Variants in DLG2 observed in about 807,000 individuals in gnomAD.
DLG2 encodes discs large MAGUK scaffold protein 2, also known as disks large homolog 2.
In DLG2, 45 loss-of-function variants were observed where a neutral mutation model predicts 132.5. The ratio of observed to expected loss-of-function variants is 0.34; its 90% CI spans 0.27 to 0.44. The LOEUF (loss-of-function observed/expected upper bound fraction) is 0.44. DLG2 is among the 20% of genes least tolerant of loss of function. DLG2 has a pLI of 1.00. For synonymous variants in DLG2, 424 were observed against 419.6 expected (o/e 1.01, Z -0.13); for missense variants, 1,045 against 1,196.9 (o/e 0.87, Z 1.87).
rs1283000917 is a variant in DLG2 at position 85,460,485 on chromosome 11, T to A, written c.40+138172A>T. Among the ~76,000 whole-genome samples, 3 of 152,202 alleles carry A rather than the reference T, an allele frequency of 2.0e-5. No homozygotes were observed. In the East Asian group the frequency reaches 5.8e-4, roughly 29 times the overall value. ...AGTGTGGGAGCCTACTCTGGCTCCA[T>A]GCCACTCCTGGGTGGGCAGTTGTCC... On this transcript the variant is annotated intron_variant, in intron 3 of 27. Transcript: ENST00000376104.
chr11:83,969,674 A>G (rs907068832), intron 12 of DLG2, among the ~76,000 whole-genome samples: 1 of 152,114 alleles, frequency 6.6e-6, no homozygotes, highest in African/African-American at 2.4e-5. Flanking sequence ...CCCGGGTTCA[A>G]GCAATTCTCC....
intron 6 of DLG2, among the ~76,000 whole-genome samples, chr11:85,074,137 A>C (rs566973541): frequency 6.6e-6 from 1 of 151,942 alleles, no homozygotes; most frequent in South Asian, 2.1e-4. Context: ...ACTACCTATC[A>C]GGTGCTATGC....
intron 8 of DLG2, among the ~76,000 whole-genome samples, chr11:84,231,406 C>T (rs2097091785): frequency 6.6e-6 from 1 of 152,160 alleles, no homozygotes; most frequent in Non-Finnish European, 1.5e-5. Flanking sequence ...TTGTATGCCA[C>T]TGATCCTAAT....
chr11:84,712,951 C>G (rs2060615010), intron 6 of DLG2, among the ~76,000 whole-genome samples: 5 of 152,164 alleles, frequency 3.3e-5, no homozygotes, highest in Admixed American at 1.3e-4. Context: ...TTGAGTAAGT[C>G]ATATTCTATC....
At chr11:84,394,189 C>T (rs2098803052) in intron 7 of DLG2, among the ~76,000 whole-genome samples, 1 of 152,064 alleles carries the variant, frequency 6.6e-6, no homozygotes, top group African/African-American at 2.4e-5. Flanking sequence ...AATTTTTTAA[C>T]CACACAAAGC....
chr11:85,593,356 GAAAGGATTAGT>G (rs928172149), intron 3 of DLG2, among the ~76,000 whole-genome samples: 18 of 152,136 alleles, frequency 1.2e-4, no homozygotes, highest in Non-Finnish European at 2.2e-4. Flanking sequence ...AGAATCACCT[GAAAGGATTAGT>G]AAAGTACCAT....
chr11:85,460,730 T>C (rs544547490), intron 3 of DLG2, among the ~76,000 whole-genome samples: 132 of 152,358 alleles, frequency 8.7e-4, no homozygotes, highest in African/African-American at 3.0e-3. Flanking sequence ...TAGTCCAATT[T>C]CTTCACAGTT....
intron 7 of DLG2, among the ~76,000 whole-genome samples, chr11:84,527,412 T>C (rs1304352267): frequency 6.6e-6 from 1 of 152,152 alleles, no homozygotes; most frequent in Non-Finnish European, 1.5e-5. Flanking sequence ...ATGCTTCAGC[T>C]CTCCTCCTAT....
intron 3 of DLG2, among the ~76,000 whole-genome samples, chr11:85,388,442 C>T (rs1029509799): frequency 3.9e-5 from 6 of 152,144 alleles, no homozygotes; most frequent in Admixed American, 1.3e-4. Flanking sequence ...AACCTGAATA[C>T]TTATCCAAAG....
intron 18 of DLG2, among the ~76,000 whole-genome samples, chr11:83,761,787 T>C (rs930152700): frequency 6.6e-6 from 1 of 152,186 alleles, no homozygotes; most frequent in African/African-American, 2.4e-5. Flanking sequence ...AGCTGTATCA[T>C]TCATCCTCAT....
At chr11:85,325,397 G>T (rs2081390505) in intron 3 of DLG2, among the ~76,000 whole-genome samples, 1 of 148,428 alleles carries the variant, frequency 6.7e-6, no homozygotes, top group African/African-American at 2.5e-5. Flanking sequence ...AGAGAGCAGT[G>T]GTTCTCCCAG....
chr11:85,050,965 C>T (rs1322847145), intron 6 of DLG2, among the ~76,000 whole-genome samples: 1 of 152,092 alleles, frequency 6.6e-6, no homozygotes, highest in African/African-American at 2.4e-5. Context: ...AGCCTCAAGC[C>T]ACTAGTGGCA....
chr11:84,397,496 G>A (rs79592727), intron 7 of DLG2, among the ~76,000 whole-genome samples: 8,306 of 152,170 alleles, frequency 0.055, 308 homozygotes, highest in African/African-American at 0.095. Flanking sequence ...GAGATGACGC[G>A]GGCCATGTCC....
chr11:85,151,135 T>C lies in DLG2; in HGVS notation c.282+3421A>G, dbSNP rs1370276345. On this transcript the variant is annotated intron_variant, in intron 5 of 27. Transcript: ENST00000376104. ...TCATGATTAGTGGGTTGAACATTTT[T>C]CATAGATGTATTGGCCATTTGTATA... 2.0e-5 allele frequency among the ~76,000 whole-genome samples: 3 copies of C among 152,350 alleles called. 1 individual carries two copies. Among genetic ancestry groups the C allele is most frequent in the South Asian group, 2.1e-4 (1 of 4,830 alleles).
At chr11:84,784,135 T>A (rs1168082462) in intron 6 of DLG2, among the ~76,000 whole-genome samples, 1 of 16,600 alleles carries the variant, frequency 6.0e-5, no homozygotes, top group Non-Finnish European at 1.2e-4. Flanking sequence ...CCATCTCTAC[T>A]AAAAATGCAA....
At chr11:84,840,002 A>T (rs1005301155) in intron 6 of DLG2, among the ~76,000 whole-genome samples, 3 of 152,206 alleles carry the variant, frequency 2.0e-5, no homozygotes, top group Non-Finnish European at 4.4e-5. Flanking sequence ...GATCCAATTA[A>T]ACTAGAGAGC....
In DLG2 at chr11:83,484,150, G is replaced by A. The variant is rs745960472; in HGVS notation, c.2272C>T (p.Gln758Ter). ...TTACGTTCAGGATCACTGGTTTCCT[G>A]CTCACTCTGCTCCTTGTTCTTGTAG... ...PFYKNKEQSE[Q>*]ETSDPERGQE... The change falls in exon 22 of 28, where the codon CAG becomes TAG. Residue 758 changes from glutamine to a stop codon, truncating the protein, a stop_gained. Transcript: ENST00000376104. LOFTEE classifies it high-confidence loss of function. The A allele has an allele frequency of 6.2e-7, 1 of 1,613,022 alleles. No individual in the cohort carries two copies. Among genetic ancestry groups the A allele is most frequent in the Admixed American group, 1.7e-5 (1 of 59,950 alleles).
At chr11:83,791,544 G>T in intron 17 of DLG2, 1 of 562,792 alleles carries the variant, frequency 1.8e-6, no homozygotes, top group South Asian at 1.7e-5. Context: ...CAAGTTAAAG[G>T]ATTTCCAGAA....
At chr11:83,798,071 A>T (rs1594583110) in intron 17 of DLG2, among the ~76,000 whole-genome samples, 1 of 152,284 alleles carries the variant, frequency 6.6e-6, no homozygotes, top group South Asian at 2.1e-4. Flanking sequence ...ACCCCCTTGG[A>T]GATGCTGCTT....
Sources: allele counts gnomAD v4.1 joint callset (sites outside exome capture counted in the v4.1 genomes callset), GRCh38; gene constraint gnomAD v4.1.1; transcripts MANE v1.5; gene names NCBI Gene and HGNC (gene_info 2026-07-23, HGNC 2026-07-21).